DNAH11: variants seen among roughly 807,000 people sequenced by gnomAD.
The protein encoded by DNAH11 is dynein axonemal heavy chain 11, also known as axonemal beta dynein heavy chain 11.
DNAH11 carries 442 observed loss-of-function variants against 526.0 expected under a neutral mutation model. The ratio of observed to expected loss-of-function variants is 0.84; its 90% CI spans 0.78 to 0.91. DNAH11 has a LOEUF of 0.91. Among genes scored for constraint, DNAH11 ranks in the 40% least tolerant of loss-of-function variants. DNAH11 has a pLI of 0.00. For synonymous variants in DNAH11, 2,461 were observed against 1,935.9 expected (o/e 1.27, Z -7.12); for missense variants, 6,989 against 5,448.7 (o/e 1.28, Z -8.90).
chr7:21,566,323 C>T (rs1199292905), intron 6 of DNAH11, among the ~76,000 whole-genome samples: 2 of 152,040 alleles, frequency 1.3e-5, no homozygotes, highest in South Asian at 4.2e-4. Context: ...TTCATTGACC[C>T]GATTCCTTTG....
intron 68 of DNAH11, among the ~76,000 whole-genome samples, chr7:21,856,994 A>G (rs775891948): frequency 1.1e-4 from 17 of 152,330 alleles, no homozygotes; most frequent in Non-Finnish European, 1.9e-4. Flanking sequence ...CAGTAAGACA[A>G]TAGAAGGCAA....
intron 35 of DNAH11, among the ~76,000 whole-genome samples, chr7:21,694,320 G>A (rs958280756): frequency 4.6e-5 from 7 of 152,240 alleles, no homozygotes; most frequent in African/African-American, 1.2e-4. Flanking sequence ...GCATGCATTA[G>A]GTATTTGTCC....
chr7:21,804,919 A>G (rs1190299264), intron 62 of DNAH11, among the ~76,000 whole-genome samples: 2 of 152,152 alleles, frequency 1.3e-5, no homozygotes, highest in Non-Finnish European at 2.9e-5. Context: ...CTACATGATA[A>G]TCTGTCTCCT....
chr7:21,709,252 A>T (rs1336337557), intron 40 of DNAH11, among the ~76,000 whole-genome samples: 4 of 152,224 alleles, frequency 2.6e-5, no homozygotes, highest in Non-Finnish European at 4.4e-5. Context: ...ATAAAAAAGG[A>T]CAACATCATG....
chr7:21,729,990 C>T (rs1785304207), intron 45 of DNAH11, among the ~76,000 whole-genome samples: 1 of 152,126 alleles, frequency 6.6e-6, no homozygotes, highest in South Asian at 2.1e-4. Context: ...CAAGTGTTGT[C>T]AACAAAAATG....
intron 65 of DNAH11, among the ~76,000 whole-genome samples, chr7:21,828,470 G>A (rs899611816): frequency 6.6e-6 from 1 of 151,886 alleles, no homozygotes; most frequent in Non-Finnish European, 1.5e-5. Context: ...TCCCTTAATA[G>A]TGTAATCTTT....
intron 25 of DNAH11, among the ~76,000 whole-genome samples, chr7:21,633,051 C>A (rs1338418557): frequency 2.0e-5 from 3 of 152,190 alleles, no homozygotes; most frequent in Non-Finnish European, 4.4e-5. Flanking sequence ...ACAGCTTGTG[C>A]TGGCGATCTC....
chr7:21,681,503 A>G (rs781451767), intron 30 of DNAH11, 43 bp from the exon 31 acceptor site: 18 of 1,590,632 alleles, frequency 1.1e-5, no homozygotes, highest in Non-Finnish European at 1.5e-5. Context: ...TAAATTCTGT[A>G]TTTGTAACCC....
intron 45 of DNAH11, among the ~76,000 whole-genome samples, chr7:21,731,204 C>A (rs1324653897): frequency 4.6e-5 from 7 of 151,562 alleles, no homozygotes; most frequent in Non-Finnish European, 1.0e-4. Flanking sequence ...AGCCATTGTA[C>A]AATATATACA....
chr7:21,599,721 G>C (rs771271406), intron 14 of DNAH11, 66 bp from the exon 15 acceptor site: 2 of 1,204,618 alleles, frequency 1.7e-6, no homozygotes, highest in African/African-American at 3.1e-5. Flanking sequence ...CTATTTAAAC[G>C]GAGAGTTTTA....
rs749101090 is a variant in DNAH11, at chr7:21,745,086, T to C, written c.8510+23T>C. On this transcript the variant is annotated intron_variant, in intron 51 of 81. Transcript: ENST00000409508. ...TGTGTGAGTTAACTAGTCACGATGC[T>C]TTTCCACAAAAGGAAGAATGGCTGG... The C allele has an allele frequency of 1.9e-6, 3 of 1,585,662 alleles. No homozygotes were observed. In the East Asian group the frequency reaches 6.8e-5, roughly 36 times the overall value.
chr7:21,737,527 T>G (rs1466925019), intron 46 of DNAH11, among the ~76,000 whole-genome samples: 1 of 152,168 alleles, frequency 6.6e-6, no homozygotes, highest in Non-Finnish European at 1.5e-5. Context: ...GGCACTGTCT[T>G]TTGAGAAGAG....
At chr7:21,826,295 A>G (rs1303267806) in intron 65 of DNAH11, among the ~76,000 whole-genome samples, 2 of 152,086 alleles carry the variant, frequency 1.3e-5, no homozygotes, top group Non-Finnish European at 1.5e-5. Flanking sequence ...TCTTTAAAAG[A>G]AAGGAGAGAA....
intron 45 of DNAH11, 116 bp downstream of exon 45, chr7:21,726,100 C>T (rs1325609510): frequency 1.9e-6 from 2 of 1,080,816 alleles, no homozygotes; most frequent in Non-Finnish European, 2.5e-6. Context: ...ATTCCACAGG[C>T]TGCCCAGGAA....
chr7:21,609,072 T>C (rs755030197), intron 20 of DNAH11, among the ~76,000 whole-genome samples: 11 of 152,192 alleles, frequency 7.2e-5, no homozygotes, highest in Non-Finnish European at 4.4e-5. Context: ...AGGAGAACAG[T>C]ACAGTGAATC....
chr7:21,901,103 T>C lies in DNAH11; in HGVS notation c.13400T>C (p.Val4467Ala). ...GTCATCTTTGCAAAAGCCACCCCCGTGGACAGACAAGAAACCAAACAGACC... is the reference window on the plus strand; with the variant it reads ...GTCATCTTTGCAAAAGCCACCCCCGCGGACAGACAAGAAACCAAACAGACC... ...MPVIFAKATPVDRQETKQTYE... is the reference protein window; with the variant it reads ...MPVIFAKATPADRQETKQTYE... Residue 4467 changes from valine to alanine, a missense_variant, in exon 82 of 82, where the codon GTG (valine) becomes GCG (alanine). Val to Ala is a moderately conservative substitution (Grantham distance 64, BLOSUM62 0). Coordinates refer to ENST00000409508, the MANE Select transcript of DNAH11 (RefSeq NM_001277115.2). 1 of 1,613,540 alleles carries C rather than the reference T, an allele frequency of 6.2e-7. No homozygotes were observed. Among genetic ancestry groups the C allele is most frequent in the Non-Finnish European group, 8.5e-7 (1 of 1,179,582 alleles).
chr7:21,648,683 T>A (rs1259186566), intron 28 of DNAH11, among the ~76,000 whole-genome samples: 3 of 152,236 alleles, frequency 2.0e-5, no homozygotes, highest in Non-Finnish European at 2.9e-5. Flanking sequence ...CGTGTTTTGT[T>A]ATACTGCAAA....
rs1272784325 is a variant in DNAH11, at chr7:21,697,186, T to G, written c.6042-889T>G. The stretch of plus-strand genomic sequence containing the variant: ...AGTCTAAAATAATGAGCTTATTTAT[T>G]TACTCTTCCTTCTTTGCACTTGACT... On this transcript the variant is annotated intron_variant, in intron 35 of 81. Transcript: ENST00000409508. Among the ~76,000 whole-genome samples the G allele has an allele frequency of 8.5e-5, 13 of 152,174 alleles. 1 individual carries two copies. The highest frequency in any genetic ancestry group is 6.6e-4 in the Admixed American group (10 of 15,262).
At chr7:21,681,878 C>T (rs1235370694) in intron 31 of DNAH11, among the ~76,000 whole-genome samples, 1 of 152,038 alleles carries the variant, frequency 6.6e-6, no homozygotes, top group East Asian at 1.9e-4. Context: ...CAAGTGATAT[C>T]CCAAAAGGTT....
Sources: allele counts gnomAD v4.1 joint callset (sites outside exome capture counted in the v4.1 genomes callset), GRCh38; gene constraint gnomAD v4.1.1; transcripts MANE v1.5; gene names NCBI Gene and HGNC (gene_info 2026-07-23, HGNC 2026-07-21).